Variants in JARID2 observed in about 807,000 individuals in gnomAD.
JARID2 encodes the protein protein Jumonji.
In JARID2, 21 loss-of-function variants were observed where a neutral mutation model predicts 125.6. That is an observed-to-expected ratio of 0.17 (90% CI 0.12 to 0.24). JARID2 has a LOEUF of 0.24. JARID2 is among the 10% of genes least tolerant of loss of function. JARID2 has a pLI of 1.00. For missense variants in JARID2, 1,303 were observed against 1,639.6 expected (o/e 0.79, Z 3.55); for synonymous variants, 736 against 661.6 (o/e 1.11, Z -1.73).
intron 6 of JARID2, among the ~76,000 whole-genome samples, chr6:15,490,049 A>G (rs911989173): frequency 7.9e-5 from 12 of 152,202 alleles, no homozygotes; most frequent in African/African-American, 2.7e-4. Context: ...TCCTTATACC[A>G]GGGACATTGT....
At chr6:15,262,798 G>T (rs961697286) in intron 1 of JARID2, among the ~76,000 whole-genome samples, 8 of 152,090 alleles carry the variant, frequency 5.3e-5, no homozygotes, top group African/African-American at 1.9e-4. Flanking sequence ...AAAGTGCTGG[G>T]ATTTATAGGC....
chr6:15,518,446 C>T lies in JARID2; in HGVS notation c.3558+1178C>T, dbSNP rs138128214. Among the ~76,000 whole-genome samples, 553 of 152,306 alleles carry T rather than the reference C, an allele frequency of 3.6e-3. 10 individuals carry two copies. The highest frequency in any genetic ancestry group is 0.026 in the Admixed American group (398 of 15,308). Reference sequence around the variant, plus strand: ...CATACTCTGTAGTGGCTGAGTAGTTCAGTAAGCATGTCTGTGCCTCTGTCC... The same window carrying T: ...CATACTCTGTAGTGGCTGAGTAGTTTAGTAAGCATGTCTGTGCCTCTGTCC... On this transcript the variant is annotated intron_variant, in intron 17 of 17. Transcript: ENST00000341776.
rs146192758 is a variant in JARID2, at chr6:15,284,226, A to G, written c.45+37642A>G. Among the ~76,000 whole-genome samples the G allele has an allele frequency of 1.4e-3, 208 of 152,218 alleles. 1 individual carries two copies. The highest frequency in any genetic ancestry group is 4.9e-3 in the African/African-American group (203 of 41,524). On this transcript the variant is annotated intron_variant, in intron 1 of 17. Transcript: ENST00000341776. The stretch of plus-strand genomic sequence containing the variant: ...GCACTCTCCCATCACCCTACCCACT[A>G]AATTGATATGGAATTTACTTCTCTG...
chr6:15,495,695 A>C (rs1029054544), intron 6 of JARID2, among the ~76,000 whole-genome samples: 3 of 152,090 alleles, frequency 2.0e-5, no homozygotes, highest in African/African-American at 7.2e-5. Flanking sequence ...TGGAACAGGG[A>C]TATGTGTGTG....
intron 1 of JARID2, chr6:15,248,486 A>C (rs1404449563): frequency 7.1e-6 from 1 of 140,724 alleles, no homozygotes; most frequent in Admixed American, 7.0e-5. Context: ...CGCGCGGCGC[A>C]CAGCTGCAGC....
At chr6:15,298,952 A>C (rs551418308) in intron 1 of JARID2, among the ~76,000 whole-genome samples, 1 of 135,426 alleles carries the variant, frequency 7.4e-6, no homozygotes, top group South Asian at 2.4e-4. Context: ...AAGAGAAGTT[A>C]GTGCTGGGTA....
chr6:15,390,848 A>G (rs574698613), intron 2 of JARID2, among the ~76,000 whole-genome samples: 22 of 152,292 alleles, frequency 1.4e-4, no homozygotes, highest in African/African-American at 5.1e-4. Context: ...CATCCCTGTA[A>G]GTATGTCCCA....
At chr6:15,378,625 CA>C (rs1561823761) in intron 2 of JARID2, among the ~76,000 whole-genome samples, 1 of 152,158 alleles carries the variant, frequency 6.6e-6, no homozygotes, top group African/African-American at 2.4e-5. Context: ...AATTGCAGCT[CA>C]AGTCCTGTAA....
chr6:15,437,535 A>T (rs1451275046), intron 3 of JARID2, among the ~76,000 whole-genome samples: 4 of 152,228 alleles, frequency 2.6e-5, no homozygotes, highest in Non-Finnish European at 4.4e-5. Flanking sequence ...TGACATAAAA[A>T]AATAGAAGAA....
At chr6:15,474,319 T>TC (rs1201871101) in intron 5 of JARID2, among the ~76,000 whole-genome samples, 2 of 152,384 alleles carry the variant, frequency 1.3e-5, no homozygotes, top group Non-Finnish European at 1.5e-5. Context: ...CATTGCTACT[T>TC]CCTCAACCAT....
chr6:15,330,078 G>A (rs1338821388), intron 1 of JARID2, among the ~76,000 whole-genome samples: 1 of 152,140 alleles, frequency 6.6e-6, no homozygotes, highest in Non-Finnish European at 1.5e-5. Context: ...ATATATATGT[G>A]CTCTAGGAGT....
At chr6:15,253,628 TA>T (rs1469048431) in intron 1 of JARID2, among the ~76,000 whole-genome samples, 1 of 152,112 alleles carries the variant, frequency 6.6e-6, no homozygotes, top group Non-Finnish European at 1.5e-5. Context: ...GTTTTTTTTT[TA>T]CACTTGTACC....
chr6:15,449,516 A>G (rs552156321), intron 3 of JARID2, among the ~76,000 whole-genome samples: 5 of 152,052 alleles, frequency 3.3e-5, no homozygotes, highest in Non-Finnish European at 5.9e-5. Context: ...CAACAAGCCA[A>G]AAACAGCTGG....
At chr6:15,271,160 G>T (rs1045334148) in intron 1 of JARID2, among the ~76,000 whole-genome samples, 1 of 152,074 alleles carries the variant, frequency 6.6e-6, no homozygotes, top group African/African-American at 2.4e-5. Context: ...ATACTTGTCC[G>T]ATTGGAGATT....
At chr6:15,364,114 G>A (rs1168730878) in intron 1 of JARID2, among the ~76,000 whole-genome samples, 3 of 152,066 alleles carry the variant, frequency 2.0e-5, no homozygotes, top group African/African-American at 4.8e-5. Flanking sequence ...GCTGGGGTTC[G>A]GGTGGGGTAG....
chr6:15,352,110 T>TTCATTGCAGG (rs946332979), intron 1 of JARID2, among the ~76,000 whole-genome samples: 1 of 152,204 alleles, frequency 6.6e-6, no homozygotes, highest in African/African-American at 2.4e-5. Context: ...CACAGCTAGC[T>TTCATTGCAGG]CTTCATTGCA....
intron 1 of JARID2, among the ~76,000 whole-genome samples, chr6:15,340,701 T>G (rs996555471): frequency 5.3e-5 from 8 of 152,210 alleles, no homozygotes; most frequent in Non-Finnish European, 8.8e-5. Flanking sequence ...GAGTTAGATT[T>G]ATGAAGCTGA....
intron 1 of JARID2, among the ~76,000 whole-genome samples, chr6:15,310,694 G>A (rs1032725676): frequency 1.3e-5 from 2 of 152,224 alleles, no homozygotes; most frequent in Non-Finnish European, 2.9e-5. Flanking sequence ...TCTTCCAGGA[G>A]ATGGGATTTC....
chr6:15,275,517 A>C (rs1345229418), intron 1 of JARID2, among the ~76,000 whole-genome samples: 36 of 42,750 alleles, frequency 8.4e-4, no homozygotes, highest in Admixed American at 2.0e-3. Context: ...ATTAAAGTCC[A>C]TTTACCGCCC....
Sources: gnomAD v4.1 joint callset for allele counts (sites outside exome capture counted in the v4.1 genomes callset) on GRCh38, gnomAD v4.1.1 for gene constraint, MANE v1.5 for transcripts, NCBI Gene and HGNC (gene_info 2026-07-23, HGNC 2026-07-21) for gene names.